NAALADL2: variants seen among roughly 807,000 people sequenced by gnomAD.
The protein encoded by NAALADL2 is inactive N-acetylated-alpha-linked acidic dipeptidase-like protein 2.
Under a neutral mutation model 87.2 loss-of-function variants are expected in NAALADL2, and 76 were observed. That is an observed-to-expected ratio of 0.87 (90% CI 0.72 to 1.05). NAALADL2 has a LOEUF of 1.05. Among genes scored for constraint, NAALADL2 ranks in the 50% least tolerant of loss-of-function variants. The pLI, the probability that NAALADL2 is intolerant of heterozygous loss-of-function variation, is 0.00. For missense variants in NAALADL2, 1,089 were observed against 945.8 expected (o/e 1.15, Z -1.99); for synonymous variants, 354 against 331.0 (o/e 1.07, Z -0.75).
intron 5 of NAALADL2, among the ~76,000 whole-genome samples, chr3:175,364,072 G>A (rs1177125146): frequency 6.8e-6 from 1 of 147,692 alleles, no homozygotes; most frequent in East Asian, 2.0e-4. Context: ...GGCTGTGTTA[G>A]TGAAGACTTA....
rs564408298 is a variant in NAALADL2, at chr3:175,550,998, A to G, written c.1654-25043A>G. On this transcript the variant is annotated intron_variant, in intron 9 of 13. Coordinates refer to ENST00000454872, the MANE Select transcript of NAALADL2 (RefSeq NM_207015.3). Reference sequence around the variant, plus strand: ...TATCTGTTGTGGTAGAGTTGGGCATAATTATGGAATTTGTCTGAAAAGCAT... The same window carrying G: ...TATCTGTTGTGGTAGAGTTGGGCATGATTATGGAATTTGTCTGAAAAGCAT... Among the ~76,000 whole-genome samples, 20 of 152,324 alleles carry G rather than the reference A, an allele frequency of 1.3e-4. No individual in the cohort carries two copies. In the East Asian group the frequency reaches 3.9e-3, roughly 29 times the overall value.
intron 12 of NAALADL2, among the ~76,000 whole-genome samples, chr3:175,752,790 C>T (rs1202368571): frequency 6.6e-6 from 1 of 152,060 alleles, no homozygotes; most frequent in Non-Finnish European, 1.5e-5. Flanking sequence ...GTAATGTGTT[C>T]AATTCTGTAA....
At chr3:174,625,363 G>A (rs1721471129) in intron 2 of NAALADL2, among the ~76,000 whole-genome samples, 1 of 151,748 alleles carries the variant, frequency 6.6e-6, no homozygotes, top group African/African-American at 2.4e-5. Context: ...TGGCCTATAA[G>A]TTTATTTGAT....
rs138638572 is a variant in NAALADL2 at position 175,528,241 on chromosome 3, C to T, written c.1654-47800C>T. ...AAGATTACAAGGTCCCACAATAGGC[C>T]GTCTGCAAACTGAAGATCAAGGAAA... On this transcript the variant is annotated intron_variant, in intron 9 of 13. Transcript: ENST00000454872. Among the ~76,000 whole-genome samples the T allele has an allele frequency of 2.5e-3, 384 of 151,878 alleles. 2 individuals are homozygous for T. The highest frequency in any genetic ancestry group is 8.4e-3 in the African/African-American group (346 of 41,422).
At chr3:174,647,925 A>C (rs1307582145) in intron 2 of NAALADL2, among the ~76,000 whole-genome samples, 1 of 152,216 alleles carries the variant, frequency 6.6e-6, no homozygotes, top group Non-Finnish European at 1.5e-5. Context: ...GGTTGGAAGC[A>C]AAATAAAAAA....
At position 175,436,312 on chromosome 3, in the gene NAALADL2, C is replaced by T. The variant is rs538377287; in HGVS notation, c.1091-10917C>T. On this transcript the variant is annotated intron_variant, in intron 5 of 13. Coordinates refer to ENST00000454872, the MANE Select transcript of NAALADL2 (RefSeq NM_207015.3). ...TGTGAATAATGCCGCAATAAACATA[C>T]GTGTGCATGCGTCTTTATAGCAGCA... Among the ~76,000 whole-genome samples, 987 of 149,144 alleles carry T rather than the reference C, an allele frequency of 6.6e-3. 19 individuals carry two copies. Among genetic ancestry groups the T allele is most frequent in the African/African-American group, 0.023 (905 of 39,560 alleles).
At chr3:175,633,604 T>C (rs1280967663) in intron 11 of NAALADL2, among the ~76,000 whole-genome samples, 1 of 151,890 alleles carries the variant, frequency 6.6e-6, no homozygotes, top group African/African-American at 2.4e-5. Flanking sequence ...TGAATATGAA[T>C]GGTACATCTA....
At chr3:175,279,362 C>A (rs1157299138) in intron 4 of NAALADL2, among the ~76,000 whole-genome samples, 1 of 152,102 alleles carries the variant, frequency 6.6e-6, no homozygotes, top group African/African-American at 2.4e-5. Context: ...GGATTTACTG[C>A]TCATGATTCT....
intron 3 of NAALADL2, among the ~76,000 whole-genome samples, chr3:175,241,004 T>A (rs943240028): frequency 2.6e-5 from 4 of 152,114 alleles, no homozygotes; most frequent in Non-Finnish European, 5.9e-5. Flanking sequence ...TTGGATATTA[T>A]TAGTCTCCCT....
intron 2 of NAALADL2, among the ~76,000 whole-genome samples, chr3:175,163,426 G>A (rs1733527096): frequency 6.6e-6 from 1 of 151,890 alleles, no homozygotes; most frequent in Non-Finnish European, 1.5e-5. Context: ...GCCCCCAAGA[G>A]GCTCCGTTTT....
At chr3:174,785,105 G>T (rs1274498903) in intron 3 of NAALADL2, among the ~76,000 whole-genome samples, 1 of 152,150 alleles carries the variant, frequency 6.6e-6, no homozygotes, top group Non-Finnish European at 1.5e-5. Context: ...TGAGGTTTGA[G>T]ATATGAATGA....
chr3:175,317,690 A>T (rs1168300040), intron 4 of NAALADL2, among the ~76,000 whole-genome samples: 1 of 152,192 alleles, frequency 6.6e-6, no homozygotes, highest in Non-Finnish European at 1.5e-5. Context: ...TTCTCAAAAA[A>T]ATATGTAAAT....
chr3:174,820,830 T>G (rs1560257024), intron 3 of NAALADL2, among the ~76,000 whole-genome samples: 1 of 149,130 alleles, frequency 6.7e-6, no homozygotes, highest in Non-Finnish European at 1.5e-5. Flanking sequence ...ATGTGGTATA[T>G]GTTTTTTTAA....
chr3:174,800,004 C>A (rs992263284), intron 3 of NAALADL2, among the ~76,000 whole-genome samples: 1 of 152,026 alleles, frequency 6.6e-6, no homozygotes, highest in African/African-American at 2.4e-5. Flanking sequence ...GGGTATCTGG[C>A]AGAAGAAATT....
chr3:175,276,697 C>T (rs1196863010), intron 4 of NAALADL2, among the ~76,000 whole-genome samples: 1 of 152,092 alleles, frequency 6.6e-6, no homozygotes, highest in Admixed American at 6.6e-5. Flanking sequence ...GAAGTGAAAA[C>T]CTTTCAAATT....
At chr3:175,791,782 CA>C (rs2108293665) in intron 13 of NAALADL2, among the ~76,000 whole-genome samples, 1 of 150,934 alleles carries the variant, frequency 6.6e-6, no homozygotes, top group Non-Finnish European at 1.5e-5. Flanking sequence ...TATATTTTTT[CA>C]ATAAATTTAT....
At chr3:174,880,993 T>A (rs1729119683) in intron 1 of NAALADL2, among the ~76,000 whole-genome samples, 1 of 152,136 alleles carries the variant, frequency 6.6e-6, no homozygotes, top group Non-Finnish European at 1.5e-5. Context: ...ATGACCTTCC[T>A]GTCTTTTTAT....
intron 13 of NAALADL2, among the ~76,000 whole-genome samples, chr3:175,797,493 T>G (rs935580306): frequency 6.6e-6 from 1 of 152,138 alleles, no homozygotes; most frequent in African/African-American, 2.4e-5. Context: ...AGAGCAGGAA[T>G]GATTCACTAA....
intron 9 of NAALADL2, among the ~76,000 whole-genome samples, chr3:175,488,294 T>G (rs1727598390): frequency 6.6e-6 from 1 of 152,258 alleles, no homozygotes; most frequent in South Asian, 2.1e-4. Flanking sequence ...GACCTTTATT[T>G]ACTCTAGTGT....
Sources: gnomAD v4.1 joint callset for allele counts (sites outside exome capture counted in the v4.1 genomes callset) on GRCh38, gnomAD v4.1.1 for gene constraint, MANE v1.5 for transcripts, NCBI Gene and HGNC (gene_info 2026-07-23, HGNC 2026-07-21) for gene names.